Variants in OTOGL observed in about 807,000 individuals in gnomAD.
OTOGL encodes otogelin like, also known as otogelin-like protein.
A neutral mutation model predicts 318.5 loss-of-function variants in OTOGL; 285 were observed. The observed-to-expected ratio is 0.89, with a 90% confidence interval of 0.81 to 0.99. OTOGL has a LOEUF of 0.99. Among genes scored for constraint, OTOGL ranks in the 50% least tolerant of loss-of-function variants. The pLI, the probability that OTOGL is intolerant of heterozygous loss-of-function variation, is 0.00. For synonymous variants in OTOGL, 987 were observed against 936.5 expected, an observed-to-expected ratio of 1.05 and a Z score of -0.99; for missense variants, 2,899 against 2,845.6, an observed-to-expected ratio of 1.02 and a Z score of -0.43.
chr12:80,242,797 C>T (rs1265762130), intron 11 of OTOGL, among the ~76,000 whole-genome samples: 1 of 152,104 alleles, frequency 6.6e-6, no homozygotes, highest in Admixed American at 6.6e-5. Context: ...AATGACACAA[C>T]GCCCTAAATT....
intron 35 of OTOGL, among the ~76,000 whole-genome samples, chr12:80,325,876 T>C (rs1172443134): frequency 6.6e-6 from 1 of 152,142 alleles, no homozygotes; most frequent in Non-Finnish European, 1.5e-5. Context: ...TGACTTCTTA[T>C]GGGATGACGT....
At chr12:80,202,199 T>C (rs1307699288) in intron 1 of OTOGL, among the ~76,000 whole-genome samples, 1 of 152,124 alleles carries the variant, frequency 6.6e-6, no homozygotes, top group African/African-American at 2.4e-5. Flanking sequence ...TTCACAGCAC[T>C]TCATTTCTGT....
intron 1 of OTOGL, among the ~76,000 whole-genome samples, chr12:80,115,352 C>G (rs1483927288): frequency 6.6e-6 from 1 of 152,004 alleles, no homozygotes; most frequent in African/African-American, 2.4e-5. Flanking sequence ...CAGTCAGGTC[C>G]CTCTTCTGCA....
At chr12:80,348,374 G>C (rs1311426564) in intron 44 of OTOGL, among the ~76,000 whole-genome samples, 1 of 152,108 alleles carries the variant, frequency 6.6e-6, no homozygotes, top group Non-Finnish European at 1.5e-5. Flanking sequence ...TTATTAAATA[G>C]GGAATCATTT....
chr12:80,376,978 G>T, intron 57 of OTOGL, 145 bp from the exon 58 acceptor site: 1 of 496,704 alleles, frequency 2.0e-6, no homozygotes, highest in Non-Finnish European at 3.4e-6. Context: ...AAAAATGTAA[G>T]AGAGAAGTTT....
Position 80,162,816 on chromosome 12 carries a change from A to G in OTOGL, c.-19-46597A>G, listed in dbSNP as rs931950198. On this transcript the variant is annotated intron_variant, in intron 1 of 58. Coordinates refer to ENST00000547103, the MANE Select transcript of OTOGL (RefSeq NM_001378609.3). ...GAGGTACTTGGCGTAGAACTCCAAT[A>G]TGGGTTTTTTCTTGTGGGGGGTGGG... Among the ~76,000 whole-genome samples the G allele has an allele frequency of 1.7e-4, 26 of 151,912 alleles. 1 individual carries two copies. The highest frequency in any genetic ancestry group is 1.6e-3 in the Admixed American group (25 of 15,222).
chr12:80,112,065 T>C (rs1023107448), intron 1 of OTOGL, among the ~76,000 whole-genome samples: 1 of 152,216 alleles, frequency 6.6e-6, no homozygotes, highest in Non-Finnish European at 1.5e-5. Context: ...AATTGGTGTA[T>C]AGGAATGCTT....
chr12:80,120,222 A>G (rs1352465812), intron 1 of OTOGL, among the ~76,000 whole-genome samples: 1 of 152,254 alleles, frequency 6.6e-6, no homozygotes, highest in Admixed American at 6.5e-5. Context: ...CTTTTTTCAG[A>G]TAATGCAAAA....
intron 1 of OTOGL, among the ~76,000 whole-genome samples, chr12:80,176,287 T>A (rs192268430): frequency 2.6e-5 from 4 of 152,328 alleles, no homozygotes; most frequent in African/African-American, 9.6e-5. Flanking sequence ...GTATTTAAGG[T>A]GTACAAATTT....
intron 1 of OTOGL, among the ~76,000 whole-genome samples, chr12:80,195,748 C>A (rs1308735123): frequency 6.6e-6 from 1 of 151,996 alleles, no homozygotes; most frequent in Non-Finnish European, 1.5e-5. Context: ...TCCTGAATGC[C>A]CATTATTAAA....
Position 80,339,107 on chromosome 12 carries a change from C to G in OTOGL, c.4893C>G (p.Pro1631=), listed in dbSNP as rs775406936. The part of the protein sequence containing the change: ...VEVDSIVVPL[P]FSSQELSIED... ...TGGATTCCATTGTTGTGCCTTTGCC[C>G]TTTTCAAGTCAGGAACTGTCCATAG... Residue 1631 remains proline, a synonymous_variant, in exon 43 of 59, where the codon CCC becomes CCG. Transcript: ENST00000547103. 17 of 1,610,640 alleles carry G rather than the reference C, an allele frequency of 1.1e-5. No homozygotes were observed. Among genetic ancestry groups the G allele is most frequent in the South Asian group, 3.3e-5 (3 of 90,928 alleles).
intron 54 of OTOGL, 120 bp from the exon 55 acceptor site, chr12:80,368,085 T>C: frequency 1.4e-6 from 1 of 722,558 alleles, no homozygotes; most frequent in East Asian, 2.7e-5. Context: ...TATTCAACCT[T>C]AGAAATCCTT....
Position 80,377,929 on chromosome 12 carries a change from A to G in OTOGL, c.6943A>G (p.Lys2315Glu), listed in dbSNP as rs1347259478. ...TATTGAAAGTCACCTAAGATTCTGC[A>G]AGTGTTGTCGTGAAAATGGAGTACG... ...INIESHLRFC[K>E]CCRENGVRNL... Residue 2315 changes from lysine (K) to glutamate (E), a missense_variant, in exon 59 of 59, where the codon AAG becomes GAG. Lys to Glu is a moderately conservative substitution (Grantham distance 56, BLOSUM62 1). This residue lies in a region of OTOGL where 289 missense variants were observed against 304.6 expected (regional missense o/e 0.95). Coordinates refer to ENST00000547103, the MANE Select transcript of OTOGL (RefSeq NM_001378609.3). The G allele has an allele frequency of 1.9e-6, 3 of 1,610,932 alleles. No homozygotes were observed. The highest frequency in any genetic ancestry group is 2.5e-6 in the Non-Finnish European group (3 of 1,178,154).
At chr12:80,267,186 T>G in intron 21 of OTOGL, 67 bp from the exon 22 acceptor site, 5 of 1,007,730 alleles carry the variant, frequency 5.0e-6, no homozygotes, top group Middle Eastern at 5.4e-4. Flanking sequence ...GAGCACAAGG[T>G]CAGCTTGAAT....
chr12:80,275,716 T>G (rs969253293), intron 24 of OTOGL, among the ~76,000 whole-genome samples: 4 of 151,722 alleles, frequency 2.6e-5, no homozygotes, highest in Non-Finnish European at 5.9e-5. Context: ...TTCAAGAAAT[T>G]GCCACAGATA....
chr12:80,251,701 A>G lies in OTOGL; in HGVS notation c.1061A>G (p.Asp354Gly). The G allele has an allele frequency of 6.3e-7, 1 of 1,585,878 alleles. No individual in the cohort carries two copies. The highest frequency in any genetic ancestry group is 8.6e-7 in the Non-Finnish European group (1 of 1,164,626). Residue 354 changes from aspartate to glycine, a missense_variant, in exon 12 of 59, where the codon GAT (aspartate) becomes GGT (glycine). Asp to Gly is a moderately conservative substitution (Grantham distance 94). Coordinates refer to ENST00000547103, the MANE Select transcript of OTOGL (RefSeq NM_001378609.3). ...GTCTTTTCACTTTCTAGAACTGATG[A>G]TGATGAAACCTATTGCCGAGCAGCC... is the stretch of plus-strand genomic sequence containing the variant. ...SCVNDLCKTD[D>G]DETYCRAATE...
chr12:80,239,202 T>A, intron 10 of OTOGL, 131 bp from the exon 11 acceptor site: 1 of 937,812 alleles, frequency 1.1e-6, no homozygotes, highest in Non-Finnish European at 1.5e-6. Flanking sequence ...AAAATGTTAG[T>A]TAAAATGTAT....
rs1888391130 is a variant in OTOGL, at chr12:80,336,212, A to T, written c.4600+72A>T. ...TCTGGAGAGATTGTTACTTTTTTGA[A>T]CCTTTCACCTCATCAAGCCAAAGTT... is the stretch of plus-strand genomic sequence containing the variant. On this transcript the variant is annotated intron_variant, in intron 39 of 58. Coordinates refer to ENST00000547103, the MANE Select transcript of OTOGL (RefSeq NM_001378609.3). The T allele has an allele frequency of 9.2e-6, 13 of 1,417,852 alleles. No homozygotes were observed. The South Asian group carries it at 1.5e-4, about 17-fold the overall frequency. 87.8% of individuals were successfully genotyped at this position (1,417,852 alleles called of 1,614,324 possible).
intron 26 of OTOGL, among the ~76,000 whole-genome samples, chr12:80,281,840 G>C (rs1592652048): frequency 2.6e-5 from 4 of 151,940 alleles, no homozygotes; most frequent in Admixed American, 2.6e-4. Context: ...AAAAGGCTTA[G>C]ATAGTATTTG....
Sources: allele counts gnomAD v4.1 joint callset (sites outside exome capture counted in the v4.1 genomes callset), GRCh38; gene constraint gnomAD v4.1.1; regional missense constraint gnomAD v4.1.1; transcripts MANE v1.5; gene names NCBI Gene and HGNC (gene_info 2026-07-23, HGNC 2026-07-21).